Variants in MON2 observed in about 807,000 individuals in gnomAD.
MON2 encodes the protein protein MON2 homolog.
MON2 carries 84 observed loss-of-function variants against 208.6 expected under a neutral mutation model. That is an observed-to-expected ratio of 0.40 (90% CI 0.34 to 0.48). MON2 has a LOEUF of 0.48. Ranked by LOEUF, MON2 falls within the 20% of genes least tolerant of loss-of-function variation. The probability of loss-of-function intolerance (pLI) is 0.59; values close to 1 mark genes in which losing one functional copy is unlikely to be tolerated. For synonymous variants in MON2, 660 were observed against 694.0 expected (o/e 0.95, Z 0.77); for missense variants, 1,611 against 2,015.4 (o/e 0.80, Z 3.84).
intron 30 of MON2, among the ~76,000 whole-genome samples, chr12:62,573,281 T>A (rs562340117): frequency 6.6e-6 from 1 of 152,336 alleles, no homozygotes; most frequent in South Asian, 2.1e-4. Context: ...CCTGAGTCAC[T>A]GTTAATTTGT....
rs752008618 is a variant in MON2 at position 62,535,560 on chromosome 12, C to T, written c.1751C>T (p.Ala584Val). ...DEAATENILK[A>V]ELTMAALCGR... is the part of the protein sequence containing the mutation. ...GCTGCCACTGAGAATATTTTAAAAG[C>T]TGAACTGACTATGGCTGCTCTTTGT... Residue 584 changes from alanine (A) to valine (V), a missense_variant, in exon 14 of 35, where the codon GCT (alanine) becomes GTT (valine). By Grantham distance (64) the Ala-to-Val change is moderately conservative. Transcript: ENST00000393630. The T allele has an allele frequency of 6.2e-7, 1 of 1,611,018 alleles. No individual in the cohort carries two copies.
chr12:62,511,762 G>A lies in MON2; in HGVS notation c.984+3282G>A, dbSNP rs186874903. ...GCAACAAAAGCAACAATAGACAAAT[G>A]GAACTGCATCAAACTTAAAATCTTC... On this transcript the variant is annotated intron_variant, in intron 8 of 34. Coordinates refer to ENST00000393630, the MANE Select transcript of MON2 (RefSeq NM_015026.3). Among the ~76,000 whole-genome samples the A allele has an allele frequency of 1.5e-3, 221 of 152,302 alleles. 1 individual carries two copies. The highest frequency in any genetic ancestry group is 2.7e-3 in the Non-Finnish European group (186 of 68,026).
rs570671388 is a variant in MON2 at position 62,473,972 on chromosome 12, C to A, written c.111+6654C>A. On this transcript the variant is annotated intron_variant, in intron 1 of 34. Transcript: ENST00000393630. ...ATCATCCACTCCTATTGCCTCTGGA[C>A]TTGCTGCGATGCTGATGACTCTTAA... 7.9e-5 allele frequency among the ~76,000 whole-genome samples: 12 copies of A among 152,238 alleles called. No individual in the cohort carries two copies. In the South Asian group the frequency reaches 2.3e-3, roughly 29 times the overall value.
At chr12:62,511,524 C>G (rs2136124371) in intron 8 of MON2, among the ~76,000 whole-genome samples, 1 of 152,268 alleles carries the variant, frequency 6.6e-6, no homozygotes, top group East Asian at 1.9e-4. Flanking sequence ...AGGATAGTCT[C>G]TTTAACCATT....
At position 62,534,518 on chromosome 12, in the gene MON2, CAA is replaced by C. The variant is rs869145698; in HGVS notation, c.1634-303_1634-302del. Among the ~76,000 whole-genome samples, 169 of 67,424 alleles carry C rather than the reference CAA, an allele frequency of 2.5e-3. 1 individual carries two copies. The highest frequency in any genetic ancestry group is 0.011 in the African/African-American group (164 of 14,932). 44.2% of individuals were successfully genotyped at this position (67,424 alleles called of 152,430 possible). A position where few individuals can be genotyped will look rare whatever the true frequency, so the allele number is the denominator to read the frequency against. On this transcript the variant is annotated intron_variant, in intron 12 of 34. Coordinates refer to ENST00000393630, the MANE Select transcript of MON2 (RefSeq NM_015026.3). ...TGGGCAACAGAGCAAGACTCCATCGCAAAAAAAAAAAAAAAAAAAAAAAAATA... is the reference window on the plus strand; with the variant it reads ...TGGGCAACAGAGCAAGACTCCATCGCAAAAAAAAAAAAAAAAAAAAAAATA...
Position 62,547,074 on chromosome 12 carries a change from TA to T in MON2, c.2753+4del. 1 of 1,471,192 alleles carries T rather than the reference TA, an allele frequency of 6.8e-7. No individual in the cohort carries two copies. The highest frequency in any genetic ancestry group is 9.0e-7 in the Non-Finnish European group (1 of 1,108,756). 91.1% of individuals were successfully genotyped at this position (1,471,192 alleles called of 1,614,324 possible). A position where few individuals can be genotyped will look rare whatever the true frequency, so the allele number is the denominator to read the frequency against. On this transcript the variant is annotated splice_donor_region_variant and intron_variant, in intron 22 of 34. Coordinates refer to ENST00000393630, the MANE Select transcript of MON2 (RefSeq NM_015026.3). ...GGGAGCAATCAGAAATGATCAAGGGTAAGTATTTAAAATTATTTGAGAAAAA... is the reference window on the plus strand; with the variant it reads ...GGGAGCAATCAGAAATGATCAAGGGTAGTATTTAAAATTATTTGAGAAAAA...
rs2075519110 is a variant in MON2 at position 62,595,952 on chromosome 12, A to G, written c.*3203A>G. The stretch of plus-strand genomic sequence containing the variant: ...GTATCATCAGAAGAAAGAGATGAAC[A>G]ATTTAGTGTAGATATTTTATTCTGG... On this transcript the variant is annotated 3_prime_UTR_variant, in exon 35 of 35. Transcript: ENST00000393630. 6.6e-6 allele frequency: 1 copy of G among 152,250 alleles called. No individual in the cohort carries two copies. The highest frequency in any genetic ancestry group is 6.5e-5 in the Admixed American group (1 of 15,288). 9.4% of individuals were successfully genotyped at this position (152,250 alleles called of 1,614,324 possible). A position where few individuals can be genotyped will look rare whatever the true frequency, so the allele number is the denominator to read the frequency against.
In MON2 at chr12:62,535,629, C is replaced by T. The variant is rs1283460413; in HGVS notation, c.1820C>T (p.Ala607Val). Residue 607 changes from alanine to valine, a missense_variant, in exon 14 of 35, where the codon GCA (alanine) becomes GTA (valine). By Grantham distance (64) the Ala-to-Val change is moderately conservative (BLOSUM62 0). Coordinates refer to ENST00000393630, the MANE Select transcript of MON2 (RefSeq NM_015026.3). The part of the protein sequence containing the change: ...LVTSRDAFIT[A>V]ICKGSLPPHY... Reference sequence around the variant, plus strand: ...ACTTCAAGAGATGCCTTTATAACTGCAATATGCAAAGGTTCCCTGCCTCCC... The same window carrying T: ...ACTTCAAGAGATGCCTTTATAACTGTAATATGCAAAGGTTCCCTGCCTCCC... The T allele has an allele frequency of 2.5e-6, 4 of 1,613,462 alleles. No individual in the cohort carries two copies. In the African/African-American group the frequency reaches 5.3e-5, roughly 22 times the overall value.
At position 62,495,910 on chromosome 12, in the gene MON2, G is replaced by A. The variant is rs2070451115; in HGVS notation, c.435+763G>A. On this transcript the variant is annotated intron_variant, in intron 4 of 34. Coordinates refer to ENST00000393630, the MANE Select transcript of MON2 (RefSeq NM_015026.3). ...TTTTGTCATCACTCCCACCCACTTTGGAACATGTAAGAGCCATTCTATTAT... is the reference window on the plus strand; with the variant it reads ...TTTTGTCATCACTCCCACCCACTTTAGAACATGTAAGAGCCATTCTATTAT... Among the ~76,000 whole-genome samples the A allele has an allele frequency of 2.0e-5, 3 of 151,088 alleles. No individual in the cohort carries two copies. The South Asian group carries it at 6.3e-4, about 32-fold the overall frequency.
Position 62,481,169 on chromosome 12 carries a change from T to G in MON2, c.112-3001T>G, listed in dbSNP as rs117965388. ...GGCCAATCCATCATCATCTCTTGCT[T>G]ATATTATTGCTGTAGTCTCTTAAAT... is the stretch of plus-strand genomic sequence containing the variant. On this transcript the variant is annotated intron_variant, in intron 1 of 34. Coordinates refer to ENST00000393630, the MANE Select transcript of MON2 (RefSeq NM_015026.3). Among the ~76,000 whole-genome samples the G allele has an allele frequency of 1.1e-3, 171 of 152,320 alleles. 4 individuals are homozygous for G. The East Asian group carries it at 0.026, about 23-fold the overall frequency.
intron 8 of MON2, among the ~76,000 whole-genome samples, chr12:62,511,204 T>C (rs558942488): frequency 6.0e-4 from 91 of 152,320 alleles, no homozygotes; most frequent in African/African-American, 2.1e-3. Context: ...ATGAATTAAA[T>C]GCAGTTCCTA....
At chr12:62,561,167 T>C in intron 26 of MON2, 54 bp downstream of exon 26, 1 of 1,435,308 alleles carries the variant, frequency 7.0e-7, no homozygotes, top group East Asian at 2.3e-5. Context: ...TGAAATTTTT[T>C]TTATTTTGCT....
intron 7 of MON2, among the ~76,000 whole-genome samples, chr12:62,503,939 A>G (rs927412702): frequency 4.6e-5 from 7 of 151,738 alleles, no homozygotes; most frequent in African/African-American, 9.7e-5. Flanking sequence ...TCTTTGTAGC[A>G]CTTATCACCT....
rs1260570563 is a variant in MON2 at position 62,565,327 on chromosome 12, C to G, written c.4123C>G (p.Pro1375Ala). Reference sequence around the variant, plus strand: ...ATTTGTAGAATTTTCCTGTAAACCTCCACAGTATGGACAGCTGGAAACAAA... The same window carrying G: ...ATTTGTAGAATTTTCCTGTAAACCTGCACAGTATGGACAGCTGGAAACAAA... ...LAFVEFSCKP[P>A]QYGQLETKHI... The change falls in exon 27 of 35, where the codon CCA (proline) becomes GCA (alanine). Residue 1375 changes from proline (P) to alanine (A), a missense_variant. By Grantham distance (27) the Pro-to-Ala change is conservative. Transcript: ENST00000393630. 1 of 1,612,778 alleles carries G rather than the reference C, an allele frequency of 6.2e-7. No homozygotes were observed. Among genetic ancestry groups the G allele is most frequent in the Admixed American group, 1.7e-5 (1 of 59,952 alleles).
chr12:62,597,392 G>A lies in MON2; in HGVS notation c.*4643G>A, dbSNP rs2136542346. ...TTGTTCATAAGAAGTGGAGCTGTTA[G>A]TGGTAGAACCACTGCTCATGGTTCT... On this transcript the variant is annotated 3_prime_UTR_variant, in exon 35 of 35. Coordinates refer to ENST00000393630, the MANE Select transcript of MON2 (RefSeq NM_015026.3). The A allele has an allele frequency of 6.6e-6, 1 of 152,004 alleles. No individual in the cohort carries two copies. The highest frequency in any genetic ancestry group is 1.9e-4 in the East Asian group (1 of 5,174). 9.4% of individuals were successfully genotyped at this position (152,004 alleles called of 1,614,324 possible). A position where few individuals can be genotyped will look rare whatever the true frequency, so the allele number is the denominator to read the frequency against.
chr12:62,483,241 G>A (rs1328007115), intron 1 of MON2, among the ~76,000 whole-genome samples: 3 of 151,980 alleles, frequency 2.0e-5, no homozygotes, highest in South Asian at 4.2e-4. Context: ...CACATTTCAA[G>A]TGCTTAATAG....
Position 62,556,026 on chromosome 12 carries a change from G to A in MON2, c.3243G>A (p.Glu1081=). Residue 1081 remains glutamate (E), a synonymous_variant, in exon 25 of 35, where the codon GAG becomes GAA. Coordinates refer to ENST00000393630, the MANE Select transcript of MON2 (RefSeq NM_015026.3). ...VLFHLLDRVR[E]SSTTADKEKI... is the part of the protein sequence containing the mutation. ...TTCATCTACTGGACAGAGTTCGAGA[G>A]TCCTCTACCACTGCAGACAAAGAAA... 1 of 1,613,198 alleles carries A rather than the reference G, an allele frequency of 6.2e-7. No homozygotes were observed. Among genetic ancestry groups the A allele is most frequent in the Non-Finnish European group, 8.5e-7 (1 of 1,179,650 alleles).
At chr12:62,484,038 T>G (rs2069611670) in intron 1 of MON2, 132 bp from the exon 2 acceptor site, 4 of 657,294 alleles carry the variant, frequency 6.1e-6, no homozygotes, top group Non-Finnish European at 1.1e-5. Context: ...TCTGATGGTT[T>G]GAAAATTAAA....
rs894523253 is a variant in MON2 at position 62,599,792 on chromosome 12, A to G, written c.*7043A>G. 3.9e-5 allele frequency: 6 copies of G among 152,072 alleles called. No individual in the cohort carries two copies. The highest frequency in any genetic ancestry group is 9.7e-5 in the African/African-American group (4 of 41,378). The allele number at this position is 152,072 out of a possible 1,614,324, so 9.4% of individuals were successfully genotyped here. A position where few individuals can be genotyped will look rare whatever the true frequency, so the allele number is the denominator to read the frequency against. ...AAGACTTATAAAATAAACTAAAAATACTCTTGAGGCAATTACTATTTCTAT... is the reference window on the plus strand; with the variant it reads ...AAGACTTATAAAATAAACTAAAAATGCTCTTGAGGCAATTACTATTTCTAT... On this transcript the variant is annotated 3_prime_UTR_variant, in exon 35 of 35. Coordinates refer to ENST00000393630, the MANE Select transcript of MON2 (RefSeq NM_015026.3).
Sources: gnomAD v4.1 joint callset for allele counts (sites outside exome capture counted in the v4.1 genomes callset) on GRCh38, gnomAD v4.1.1 for gene constraint, MANE v1.5 for transcripts, NCBI Gene and HGNC (gene_info 2026-07-23, HGNC 2026-07-21) for gene names.